Variants in SAMD12 observed in about 807,000 individuals in gnomAD.
SAMD12 encodes sterile alpha motif domain containing 12, also known as sterile alpha motif domain-containing protein 12.
In SAMD12, 9 loss-of-function variants were observed where a neutral mutation model predicts 15.0. That is an observed-to-expected ratio of 0.60 (90% CI 0.36 to 1.05). The LOEUF is 1.05. Among genes scored for constraint, SAMD12 ranks in the 50% least tolerant of loss-of-function variants. The pLI, the probability that SAMD12 is intolerant of heterozygous loss-of-function variation, is 0.01. For missense variants in SAMD12, 230 were observed against 234.2 expected (o/e 0.98, Z 0.12); for synonymous variants, 86 against 90.1 (o/e 0.96, Z 0.25).
At chr8:118,563,688 T>C (rs1471041194) in intron 2 of SAMD12, among the ~76,000 whole-genome samples, 1 of 152,260 alleles carries the variant, frequency 6.6e-6, no homozygotes, top group Non-Finnish European at 1.5e-5. Context: ...CTTGCATCTC[T>C]ATAATTCACT....
At chr8:118,604,107 A>G (rs942772721) in intron 1 of SAMD12, among the ~76,000 whole-genome samples, 1 of 152,204 alleles carries the variant, frequency 6.6e-6, no homozygotes, top group Non-Finnish European at 1.5e-5. Flanking sequence ...CATACATACC[A>G]GGCTTCACTT....
At chr8:118,361,640 G>A (rs1231328650) in intron 4 of SAMD12, among the ~76,000 whole-genome samples, 2 of 152,150 alleles carry the variant, frequency 1.3e-5, no homozygotes, top group African/African-American at 4.8e-5. Flanking sequence ...CCGCAGTAAT[G>A]GATATTCATC....
intron 2 of SAMD12, among the ~76,000 whole-genome samples, chr8:118,548,524 C>CA: frequency 6.6e-6 from 1 of 152,026 alleles, no homozygotes; most frequent in African/African-American, 2.4e-5. Context: ...TATTTGTTAA[C>CA]ATCTACAACT....
At chr8:118,437,295 T>C (rs1755741068) in intron 3 of SAMD12, among the ~76,000 whole-genome samples, 1 of 152,202 alleles carries the variant, frequency 6.6e-6, no homozygotes, top group Non-Finnish European at 1.5e-5. Flanking sequence ...CTTCTGAGGC[T>C]TCAAATAGGT....
chr8:118,605,729 C>T (rs1827967154), intron 1 of SAMD12, among the ~76,000 whole-genome samples: 1 of 125,664 alleles, frequency 8.0e-6, no homozygotes, highest in Non-Finnish European at 1.7e-5. Context: ...ATTCAAAATA[C>T]ACAACAACCA....
At chr8:118,244,261 T>C (rs1007639648) in intron 4 of SAMD12, among the ~76,000 whole-genome samples, 2 of 152,116 alleles carry the variant, frequency 1.3e-5, no homozygotes, top group African/African-American at 4.8e-5. Context: ...GGTTAGAAAA[T>C]TAAAGCACAG....
chr8:118,535,891 C>T (rs1214024326), intron 2 of SAMD12, among the ~76,000 whole-genome samples: 1 of 152,250 alleles, frequency 6.6e-6, no homozygotes, highest in African/African-American at 2.4e-5. Flanking sequence ...ACCCCTTGCA[C>T]TTCCCGGGTG....
intron 4 of SAMD12, among the ~76,000 whole-genome samples, chr8:118,274,312 G>A (rs1280737840): frequency 6.6e-6 from 1 of 152,154 alleles, no homozygotes; most frequent in Non-Finnish European, 1.5e-5. Flanking sequence ...TCATTACTCT[G>A]TGAGGTTTCC....
downstream of SAMD12, among the ~76,000 whole-genome samples, chr8:118,377,258 T>C (rs1416393051): frequency 1.3e-5 from 2 of 151,774 alleles, no homozygotes; most frequent in East Asian, 3.9e-4. Flanking sequence ...ATTAGCCTGG[T>C]GTGGTGGTGC....
chr8:118,436,215 C>G (rs1162694940), intron 3 of SAMD12, among the ~76,000 whole-genome samples: 3 of 152,154 alleles, frequency 2.0e-5, no homozygotes, highest in Admixed American at 2.0e-4. Context: ...GGTAGATGGT[C>G]CATAAATACT....
At chr8:118,153,285 G>T in the SAMD12 span, among the ~76,000 whole-genome samples, 2 of 151,344 alleles carry the variant, frequency 1.3e-5, no homozygotes, top group African/African-American at 4.8e-5. Context: ...CTCAAGGAAA[G>T]TAGTCCTAAT....
chr8:118,294,400 T>C (rs552470563), intron 4 of SAMD12, among the ~76,000 whole-genome samples: 1 of 152,160 alleles, frequency 6.6e-6, no homozygotes, highest in African/African-American at 2.4e-5. Context: ...GAACATAAAG[T>C]TAATTGTTTC....
intron 2 of SAMD12, among the ~76,000 whole-genome samples, chr8:118,492,010 T>C (rs575630230): frequency 6.6e-6 from 1 of 152,262 alleles, no homozygotes; most frequent in South Asian, 2.1e-4. Flanking sequence ...TGATTTACTG[T>C]GTGTTTAAGT....
chr8:118,454,090 A>G (rs1823166103), intron 2 of SAMD12, among the ~76,000 whole-genome samples: 1 of 152,158 alleles, frequency 6.6e-6, no homozygotes. Flanking sequence ...CTTAGTTTAC[A>G]TCTTCTCTTT....
intron 3 of SAMD12, among the ~76,000 whole-genome samples, chr8:118,426,665 T>C (rs1033604925): frequency 6.6e-6 from 1 of 152,234 alleles, no homozygotes; most frequent in Non-Finnish European, 1.5e-5. Context: ...TAAATAAATT[T>C]TGAATTTAGA....
intron 2 of SAMD12, among the ~76,000 whole-genome samples, chr8:118,535,067 T>TC (rs1825800133): frequency 6.6e-6 from 1 of 152,210 alleles, no homozygotes; most frequent in Non-Finnish European, 1.5e-5. Flanking sequence ...CTGTTTTCTC[T>TC]CCATCTTTGT....
At chr8:118,225,594 C>T (rs1407103449) in intron 4 of SAMD12, among the ~76,000 whole-genome samples, 5 of 152,018 alleles carry the variant, frequency 3.3e-5, no homozygotes, top group African/African-American at 1.2e-4. Flanking sequence ...TGGAGCTTAG[C>T]GTTCAGGAGT....
downstream of SAMD12, among the ~76,000 whole-genome samples, chr8:118,185,699 G>T (rs559616128): frequency 6.6e-6 from 1 of 152,294 alleles, no homozygotes; most frequent in African/African-American, 2.4e-5. Flanking sequence ...TTAAAATATA[G>T]AGAGATATGA....
At chr8:118,546,179 G>A (rs1264371483) in intron 2 of SAMD12, among the ~76,000 whole-genome samples, 5 of 152,128 alleles carry the variant, frequency 3.3e-5, no homozygotes, top group African/African-American at 1.2e-4. Context: ...ATAGAATAAG[G>A]GGACTAAACC....
Sources: gnomAD v4.1 joint callset for allele counts (sites outside exome capture counted in the v4.1 genomes callset) on GRCh38, gnomAD v4.1.1 for gene constraint, MANE v1.5 for transcripts, NCBI Gene and HGNC (gene_info 2026-07-23, HGNC 2026-07-21) for gene names.